GPC6: variants seen among roughly 807,000 people sequenced by gnomAD.
GPC6 encodes glypican-6.
Under a neutral mutation model 55.2 loss-of-function variants are expected in GPC6, and 14 were observed. The observed-to-expected ratio is 0.25, with a 90% CI of 0.17 to 0.40. The LOEUF is 0.40. Ranked by LOEUF, GPC6 falls within the 10% of genes least tolerant of loss-of-function variation. The pLI is 1.00. For synonymous variants in GPC6, 278 were observed against 259.6 expected (o/e 1.07, Z -0.68); for missense variants, 641 against 708.5 (o/e 0.90, Z 1.08).
intron 5 of GPC6, among the ~76,000 whole-genome samples, chr13:94,296,526 T>C (rs1875342943): frequency 6.6e-6 from 1 of 152,202 alleles, no homozygotes. Context: ...AAGTATTGTG[T>C]TAGAGAAATT....
intron 3 of GPC6, among the ~76,000 whole-genome samples, chr13:93,856,905 G>C (rs1451768860): frequency 1.3e-5 from 2 of 151,430 alleles, no homozygotes; most frequent in Non-Finnish European, 3.0e-5. Context: ...AATTTCTTGT[G>C]GATTTAATAA....
chr13:93,284,031 C>G (rs1228547244), intron 1 of GPC6, among the ~76,000 whole-genome samples: 1 of 152,190 alleles, frequency 6.6e-6, no homozygotes, highest in Admixed American at 6.5e-5. Flanking sequence ...CTCAGGGCAA[C>G]ACTTGTATTG....
intron 2 of GPC6, among the ~76,000 whole-genome samples, chr13:93,660,750 T>C (rs562263076): frequency 8.5e-5 from 13 of 152,212 alleles, no homozygotes; most frequent in Non-Finnish European, 1.8e-4. Context: ...ATTGCACAGC[T>C]CCTTTGAACT....
At chr13:94,111,800 G>A (rs1353551908) in intron 4 of GPC6, among the ~76,000 whole-genome samples, 1 of 151,990 alleles carries the variant, frequency 6.6e-6, no homozygotes, top group African/African-American at 2.4e-5. Flanking sequence ...GGATAGAATG[G>A]GTATTCAGTA....
intron 4 of GPC6, among the ~76,000 whole-genome samples, chr13:94,268,840 C>T (rs893221408): frequency 3.3e-5 from 5 of 151,566 alleles, no homozygotes; most frequent in East Asian, 1.9e-4. Flanking sequence ...CTTATTATAA[C>T]GTTGTGACAA....
chr13:94,295,144 A>G (rs79128399), intron 5 of GPC6, among the ~76,000 whole-genome samples: 1 of 152,158 alleles, frequency 6.6e-6, no homozygotes, highest in African/African-American at 2.4e-5. Flanking sequence ...TGAGACTGAC[A>G]TGGGATCTAG....
At chr13:94,310,516 T>C (rs1315779830) in intron 6 of GPC6, among the ~76,000 whole-genome samples, 2 of 152,190 alleles carry the variant, frequency 1.3e-5, no homozygotes, top group Non-Finnish European at 2.9e-5. Flanking sequence ...TCCTTTAAAT[T>C]TGTTTTCCTC....
At chr13:94,001,622 G>A (rs4773770) in intron 3 of GPC6, among the ~76,000 whole-genome samples, 67,583 of 152,010 alleles carry the variant, frequency 0.44, 16,580 homozygotes, top group South Asian at 0.63. Flanking sequence ...ATTGTTGTGC[G>A]TTGGCACAAT....
intron 1 of GPC6, among the ~76,000 whole-genome samples, chr13:93,376,936 A>C: frequency 6.6e-6 from 1 of 152,158 alleles, no homozygotes; most frequent in Non-Finnish European, 1.5e-5. Context: ...TATGTAAGCA[A>C]TTTTAATTTA....
intron 3 of GPC6, among the ~76,000 whole-genome samples, chr13:94,026,657 TATAA>T (rs1882910117): frequency 6.6e-6 from 1 of 152,182 alleles, no homozygotes; most frequent in African/African-American, 2.4e-5. Context: ...CACATACTAC[TATAA>T]AGCACTGCCC....
chr13:94,369,162 T>C (rs1879415880), intron 6 of GPC6, among the ~76,000 whole-genome samples: 1 of 152,258 alleles, frequency 6.6e-6, no homozygotes, highest in South Asian at 2.1e-4. Flanking sequence ...ATTATTTACA[T>C]CTGGTCACAT....
intron 3 of GPC6, among the ~76,000 whole-genome samples, chr13:93,912,427 A>C (rs1877033661): frequency 6.6e-6 from 1 of 152,150 alleles, no homozygotes. Flanking sequence ...GTACCAAGTT[A>C]TCACAAATTG....
intron 3 of GPC6, among the ~76,000 whole-genome samples, chr13:93,882,722 A>G (rs899232896): frequency 1.3e-5 from 2 of 152,154 alleles, no homozygotes; most frequent in Non-Finnish European, 2.9e-5. Flanking sequence ...AGAGATTTAG[A>G]TTGTAAAAAA....
At chr13:94,140,780 A>G (rs1363259474) in intron 4 of GPC6, among the ~76,000 whole-genome samples, 2 of 152,184 alleles carry the variant, frequency 1.3e-5, no homozygotes, top group African/African-American at 4.8e-5. Flanking sequence ...TGAGGCTACC[A>G]GGAGCAACTT....
chr13:93,423,477 G>A (rs1308370869), intron 1 of GPC6, among the ~76,000 whole-genome samples: 2 of 152,124 alleles, frequency 1.3e-5, no homozygotes, highest in Non-Finnish European at 2.9e-5. Flanking sequence ...TTTACATCCA[G>A]AAATTACATA....
chr13:94,306,216 T>C (rs768614542), intron 6 of GPC6, 93 bp downstream of exon 6: 17 of 1,340,194 alleles, frequency 1.3e-5, no homozygotes, highest in Middle Eastern at 1.8e-4. Context: ...AAGTTTGTTA[T>C]AAGAGTCATC....
At chr13:94,094,100 G>A (rs1885587033) in intron 4 of GPC6, among the ~76,000 whole-genome samples, 2 of 151,920 alleles carry the variant, frequency 1.3e-5, no homozygotes, top group Non-Finnish European at 2.9e-5. Flanking sequence ...GTTTATATGA[G>A]GGTATGAGTC....
intron 6 of GPC6, among the ~76,000 whole-genome samples, chr13:94,323,802 G>A (rs1876968067): frequency 6.6e-6 from 1 of 152,144 alleles, no homozygotes; most frequent in Non-Finnish European, 1.5e-5. Context: ...AGGATTTCAA[G>A]TAGATTTTTT....
At chr13:94,292,633 C>T (rs1385663923) in intron 5 of GPC6, among the ~76,000 whole-genome samples, 2 of 151,950 alleles carry the variant, frequency 1.3e-5, no homozygotes, top group East Asian at 3.8e-4. Context: ...TCTTATGTAT[C>T]TCTCTTATGT....
Sources: allele counts gnomAD v4.1 joint callset (sites outside exome capture counted in the v4.1 genomes callset), GRCh38; gene constraint gnomAD v4.1.1; transcripts MANE v1.5; gene names NCBI Gene and HGNC (gene_info 2026-07-23, HGNC 2026-07-21).